The following LMO7 variants were observed in gnomAD, a reference collection of about 807,000 sequenced individuals.
LMO7 encodes the protein LIM domain 7.
In LMO7, 120 loss-of-function variants were observed where a neutral mutation model predicts 206.5. That is an observed-to-expected ratio of 0.58 (90% CI 0.50 to 0.68). The LOEUF (loss-of-function observed/expected upper bound fraction) is 0.68. LMO7 is among the 30% of genes least tolerant of loss of function. The probability of loss-of-function intolerance (pLI) is 0.00; values close to 1 mark genes in which losing one functional copy is unlikely to be tolerated. For synonymous variants in LMO7, 706 were observed against 681.5 expected (o/e 1.04, Z -0.56); for missense variants, 1,959 against 1,957.9 (o/e 1.00, Z -0.01).
At chr13:75,659,287 AC>A (rs1346480734) in intron 1 of LMO7, among the ~76,000 whole-genome samples, 1 of 152,212 alleles carries the variant, frequency 6.6e-6, no homozygotes, top group Non-Finnish European at 1.5e-5. Context: ...TTTGGCATTT[AC>A]TAAAAGTGTG....
rs1566550883 is a variant in LMO7 at position 75,823,704 on chromosome 13, C to T, written c.2780C>T (p.Thr927Ile). Residue 927 changes from threonine (T) to isoleucine (I), a missense_variant, in exon 15 of 31, where the codon ACA becomes ATA. Thr to Ile is a moderately conservative substitution (Grantham distance 89). Transcript: ENST00000377534. ...SLSSQKEVAA[T>I]EEDVTRLPSP... Reference sequence around the variant, plus strand: ...TCTAGCCAGAAAGAGGTAGCAGCAACAGAAGAAGATGTGACAAGGCTGCCC... The same window carrying T: ...TCTAGCCAGAAAGAGGTAGCAGCAATAGAAGAAGATGTGACAAGGCTGCCC... The T allele has an allele frequency of 6.2e-7, 1 of 1,614,040 alleles. No individual in the cohort carries two copies. Among genetic ancestry groups the T allele is most frequent in the East Asian group, 2.2e-5 (1 of 44,880 alleles).
intron 1 of LMO7, among the ~76,000 whole-genome samples, chr13:75,694,796 G>T (rs905899893): frequency 2.6e-5 from 4 of 152,158 alleles, no homozygotes; most frequent in African/African-American, 9.7e-5. Context: ...AGCAGGAAAT[G>T]TGAGGAGTGG....
intron 15 of LMO7, among the ~76,000 whole-genome samples, chr13:75,829,102 G>A (rs1214852204): frequency 6.6e-6 from 1 of 152,160 alleles, no homozygotes; most frequent in African/African-American, 2.4e-5. Flanking sequence ...CGGAGACATG[G>A]CAATGAATGA....
chr13:75,806,079 G>A (rs1351145502), intron 9 of LMO7: 1 of 1,094,596 alleles, frequency 9.1e-7, no homozygotes, highest in Non-Finnish European at 1.1e-6. Flanking sequence ...CAGACTCTGA[G>A]GATGAGGACT....
At chr13:75,719,720 T>A (rs2043863740) in intron 2 of LMO7, among the ~76,000 whole-genome samples, 1 of 152,220 alleles carries the variant, frequency 6.6e-6, no homozygotes, top group African/African-American at 2.4e-5. Context: ...TGTGGAATTT[T>A]GAGTTAATTA....
intron 3 of LMO7, among the ~76,000 whole-genome samples, chr13:75,747,893 C>G (rs75539369): frequency 6.6e-6 from 1 of 152,074 alleles, no homozygotes; most frequent in African/African-American, 2.4e-5. Context: ...GAAGATGGAA[C>G]GAGGAGAGGG....
intron 1 of LMO7, among the ~76,000 whole-genome samples, chr13:75,687,803 A>G (rs1428318290): frequency 6.6e-6 from 1 of 152,182 alleles, no homozygotes; most frequent in Admixed American, 6.5e-5. Flanking sequence ...ATCCATTATG[A>G]ACAGCAATCT....
In LMO7 at chr13:75,858,531, G is replaced by C. The variant is rs1000182783; in HGVS notation, c.*588G>C. 3.3e-5 allele frequency: 5 copies of C among 152,536 alleles called. No individual in the cohort carries two copies. The highest frequency in any genetic ancestry group is 1.2e-4 in the African/African-American group (5 of 41,408). 9.4% of individuals were successfully genotyped at this position (152,536 alleles called of 1,614,324 possible). ...GAAGGGAGCTCTATTTTCTTTACCAGAAATGTTGCTAAGTAATTCCCAATA... is the reference window on the plus strand; with the variant it reads ...GAAGGGAGCTCTATTTTCTTTACCACAAATGTTGCTAAGTAATTCCCAATA... On this transcript the variant is annotated 3_prime_UTR_variant, in exon 31 of 31. Coordinates refer to ENST00000377534, the MANE Select transcript of LMO7 (RefSeq NM_001306080.2).
chr13:75,660,458 C>T (rs955337084), intron 1 of LMO7, among the ~76,000 whole-genome samples: 2 of 152,142 alleles, frequency 1.3e-5, no homozygotes, highest in Non-Finnish European at 2.9e-5. Context: ...CATCTCCATT[C>T]CATCATTTAT....
At chr13:75,786,747 C>G (rs577261197) in intron 4 of LMO7, among the ~76,000 whole-genome samples, 13 of 152,256 alleles carry the variant, frequency 8.5e-5, no homozygotes, top group African/African-American at 3.1e-4. Flanking sequence ...CATCTCTGTG[C>G]TGACAACTCC....
intron 1 of LMO7, among the ~76,000 whole-genome samples, chr13:75,697,941 C>T (rs2042016570): frequency 6.6e-6 from 1 of 152,116 alleles, no homozygotes; most frequent in African/African-American, 2.4e-5. Flanking sequence ...CTGATTTCTC[C>T]ACAATTCTGC....
At chr13:75,623,417 G>A (rs2033594321) in intron 2 of LMO7, 4 of 686,136 alleles carry the variant, frequency 5.8e-6, no homozygotes, top group Non-Finnish European at 2.6e-6. Context: ...AGGGTGGAGT[G>A]CAGTGGTGCC....
At chr13:75,666,965 C>T (rs1423497608) in intron 1 of LMO7, among the ~76,000 whole-genome samples, 1 of 152,066 alleles carries the variant, frequency 6.6e-6, no homozygotes, top group Non-Finnish European at 1.5e-5. Flanking sequence ...AATCAGTAGT[C>T]CTGGGAGGGT....
chr13:75,651,814 C>G (rs2037598559), intron 1 of LMO7, among the ~76,000 whole-genome samples: 1 of 152,032 alleles, frequency 6.6e-6, no homozygotes, highest in African/African-American at 2.4e-5. Flanking sequence ...GTGGCTAGTC[C>G]AGGTCTTAAA....
chr13:75,745,600 G>A (rs373215642), intron 3 of LMO7, among the ~76,000 whole-genome samples: 17 of 152,146 alleles, frequency 1.1e-4, no homozygotes, highest in South Asian at 2.1e-4. Flanking sequence ...TCATTATTCC[G>A]GGTGTGTTTG....
chr13:75,646,865 G>A (rs553696775), intron 1 of LMO7, among the ~76,000 whole-genome samples: 2 of 152,158 alleles, frequency 1.3e-5, no homozygotes, highest in African/African-American at 4.8e-5. Context: ...GATTACAGGT[G>A]TGAGCCACCA....
chr13:75,703,450 A>T (rs1465721048), intron 1 of LMO7, among the ~76,000 whole-genome samples: 3 of 152,156 alleles, frequency 2.0e-5, no homozygotes, highest in Middle Eastern at 6.3e-3. Flanking sequence ...ATGCGCTGAT[A>T]TATAGAGAAC....
intron 4 of LMO7, among the ~76,000 whole-genome samples, chr13:75,783,842 G>A (rs1238576834): frequency 6.6e-6 from 1 of 152,124 alleles, no homozygotes; most frequent in African/African-American, 2.4e-5. Flanking sequence ...TCTTAGGTGT[G>A]TATTCCTTGC....
intron 20 of LMO7, among the ~76,000 whole-genome samples, chr13:75,839,277 A>T (rs1011731522): frequency 1.3e-5 from 2 of 152,000 alleles, no homozygotes; most frequent in Non-Finnish European, 1.5e-5. Flanking sequence ...CTCTGTTCTA[A>T]TTTTCTCCCA....
Sources: allele counts gnomAD v4.1 joint callset (sites outside exome capture counted in the v4.1 genomes callset), GRCh38; gene constraint gnomAD v4.1.1; transcripts MANE v1.5; gene names NCBI Gene and HGNC (gene_info 2026-07-23, HGNC 2026-07-21).